SERPINI1: variants seen among roughly 807,000 people sequenced by gnomAD.
SERPINI1 encodes the protein neuroserpin.
SERPINI1 carries 19 observed loss-of-function variants against 41.1 expected under a neutral mutation model. The observed-to-expected ratio is 0.46, with a 90% CI of 0.32 to 0.68. SERPINI1 has a LOEUF of 0.68. SERPINI1 is among the 30% of genes least tolerant of loss of function. SERPINI1 has a pLI of 0.03. For missense variants in SERPINI1, 460 were observed against 479.2 expected (o/e 0.96, Z 0.37); for synonymous variants, 138 against 156.6 (o/e 0.88, Z 0.89).
chr3:167,823,016 T>C lies in SERPINI1; in HGVS notation c.1010T>C (p.Ile337Thr). ...AAGGAGATTTTTCTTTCCAAAGCAA[T>C]TCACAAGTCCTTCCTAGAGGTTAAT... is the stretch of plus-strand genomic sequence containing the variant. ...DNKEIFLSKA[I>T]HKSFLEVNEE... Residue 337 changes from isoleucine to threonine, a missense_variant, in exon 7 of 9, where the codon ATT (isoleucine) becomes ACT (threonine). Transcript: ENST00000446050. The C allele has an allele frequency of 6.2e-7, 1 of 1,611,376 alleles. No individual in the cohort carries two copies. The highest frequency in any genetic ancestry group is 8.5e-7 in the Non-Finnish European group (1 of 1,177,558).
rs1020720975 is a variant in SERPINI1, at chr3:167,766,901, G to A, written c.-18-22210G>A. Among the ~76,000 whole-genome samples, 25 of 152,330 alleles carry A rather than the reference G, an allele frequency of 1.6e-4. No individual in the cohort carries two copies. In the East Asian group the frequency reaches 2.1e-3, roughly 13 times the overall value. ...AGGTTTAAGAAAGGAAGCCATCTCC[G>A]TAACATAAAAGCGTATGGAGAAGCA... On this transcript the variant is annotated intron_variant, in intron 1 of 8. Transcript: ENST00000446050.
At chr3:167,804,857 A>G (rs934311355) in intron 5 of SERPINI1, among the ~76,000 whole-genome samples, 12 of 152,062 alleles carry the variant, frequency 7.9e-5, no homozygotes, top group Non-Finnish European at 1.6e-4. Context: ...ACACAAAAAT[A>G]TGTTACATGA....
chr3:167,795,659 T>A (rs1727686284), intron 5 of SERPINI1, among the ~76,000 whole-genome samples: 1 of 152,168 alleles, frequency 6.6e-6, no homozygotes, highest in Admixed American at 6.6e-5. Flanking sequence ...GCTTCACTTA[T>A]ACACCTTTCT....
At chr3:167,775,620 A>C (rs2108548715) in intron 1 of SERPINI1, among the ~76,000 whole-genome samples, 1 of 152,322 alleles carries the variant, frequency 6.6e-6, no homozygotes, top group African/African-American at 2.4e-5. Flanking sequence ...TTTTAATAAT[A>C]AAAAATTAGA....
intron 4 of SERPINI1, among the ~76,000 whole-genome samples, chr3:167,794,205 T>TA (rs143902444): frequency 0.13 from 19,169 of 151,958 alleles, 1,450 homozygotes; most frequent in African/African-American, 0.21. Flanking sequence ...CATTTAAAAA[T>TA]AAAAATCAAG....
intron 1 of SERPINI1, among the ~76,000 whole-genome samples, chr3:167,762,406 A>T (rs1726416526): frequency 6.6e-6 from 1 of 152,122 alleles, no homozygotes; most frequent in African/African-American, 2.4e-5. Flanking sequence ...CTCTTTCTTG[A>T]CTACTCCCTT....
intron 1 of SERPINI1, among the ~76,000 whole-genome samples, chr3:167,769,586 A>G (rs1726676354): frequency 6.6e-6 from 1 of 152,182 alleles, no homozygotes; most frequent in Non-Finnish European, 1.5e-5. Flanking sequence ...ATAAAATCCC[A>G]GCCCTAAAGA....
intron 1 of SERPINI1, among the ~76,000 whole-genome samples, chr3:167,772,549 G>A (rs1208038811): frequency 6.6e-6 from 1 of 151,920 alleles, no homozygotes; most frequent in African/African-American, 2.4e-5. Context: ...TGATGCTCAT[G>A]GCAACCCGAT....
At chr3:167,770,193 A>ATATATGTTTTTAAAG (rs1219725340) in intron 1 of SERPINI1, among the ~76,000 whole-genome samples, 1 of 151,864 alleles carries the variant, frequency 6.6e-6, no homozygotes, top group Non-Finnish European at 1.5e-5. Context: ...TTACATATGA[A>ATATATGTTTTTAAAG]TATATGTTTT....
chr3:167,750,820 A>T lies in SERPINI1; in HGVS notation c.-19+14997A>T, dbSNP rs1475355718. Among the ~76,000 whole-genome samples the T allele has an allele frequency of 2.0e-5, 3 of 152,144 alleles. No individual in the cohort carries two copies. In the East Asian group the frequency reaches 5.8e-4, roughly 29 times the overall value. On this transcript the variant is annotated intron_variant, in intron 1 of 8. Coordinates refer to ENST00000446050, the MANE Select transcript of SERPINI1 (RefSeq NM_001122752.2). Reference sequence around the variant, plus strand: ...TTCTGCAATATAATTATGATCTCAGAAGTAACCAGAATACTTTGTGTATTT... The same window carrying T: ...TTCTGCAATATAATTATGATCTCAGTAGTAACCAGAATACTTTGTGTATTT...
intron 6 of SERPINI1, among the ~76,000 whole-genome samples, chr3:167,816,304 C>G (rs1038410578): frequency 1.3e-5 from 2 of 152,194 alleles, no homozygotes; most frequent in Admixed American, 6.5e-5. Context: ...CCTCAGCCTC[C>G]CGTAGTGCTG....
At chr3:167,780,829 C>T (rs1577414111) in intron 1 of SERPINI1, among the ~76,000 whole-genome samples, 1 of 152,144 alleles carries the variant, frequency 6.6e-6, no homozygotes, top group Non-Finnish European at 1.5e-5. Flanking sequence ...AGGAAAACTA[C>T]TGTGAGAGGC....
intron 1 of SERPINI1, among the ~76,000 whole-genome samples, chr3:167,776,415 T>A (rs1726970526): frequency 6.6e-6 from 1 of 152,238 alleles, no homozygotes; most frequent in Admixed American, 6.5e-5. Flanking sequence ...TTGGCATTGA[T>A]TGATTTTGCT....
chr3:167,774,391 C>A (rs1010848496), intron 1 of SERPINI1, among the ~76,000 whole-genome samples: 3 of 152,104 alleles, frequency 2.0e-5, no homozygotes, highest in Admixed American at 1.3e-4. Context: ...GGTTATTGGC[C>A]AAGATAAAAG....
intron 5 of SERPINI1, among the ~76,000 whole-genome samples, chr3:167,800,503 T>A (rs1388370097): frequency 6.6e-6 from 1 of 152,198 alleles, no homozygotes; most frequent in Non-Finnish European, 1.5e-5. Context: ...TCCTTTTCAG[T>A]CTTTACTGAT....
chr3:167,796,179 A>G (rs2108560743), intron 5 of SERPINI1, among the ~76,000 whole-genome samples: 1 of 152,100 alleles, frequency 6.6e-6, no homozygotes, highest in Non-Finnish European at 1.5e-5. Context: ...ATAGTTTGTT[A>G]TGTAAGTGAA....
chr3:167,752,392 A>C (rs1484313661), intron 1 of SERPINI1, among the ~76,000 whole-genome samples: 1 of 152,126 alleles, frequency 6.6e-6, no homozygotes, highest in Non-Finnish European at 1.5e-5. Context: ...TCTCCATCTT[A>C]ATGAAGGACA....
chr3:167,807,129 G>A (rs964024611), intron 5 of SERPINI1, 115 bp from the exon 6 acceptor site: 1 of 748,034 alleles, frequency 1.3e-6, no homozygotes, highest in African/African-American at 1.7e-5. Flanking sequence ...GCCAGTTTTA[G>A]CATAATTTAC....
At chr3:167,779,642 TG>T (rs1223711548) in intron 1 of SERPINI1, among the ~76,000 whole-genome samples, 1 of 152,206 alleles carries the variant, frequency 6.6e-6, no homozygotes, top group African/African-American at 2.4e-5. Context: ...GTAATCATCT[TG>T]GCCCATTCCC....
Sources: gnomAD v4.1 joint callset for allele counts (sites outside exome capture counted in the v4.1 genomes callset) on GRCh38, gnomAD v4.1.1 for gene constraint, MANE v1.5 for transcripts, NCBI Gene and HGNC (gene_info 2026-07-23, HGNC 2026-07-21) for gene names.